GMNN: variants seen among roughly 807,000 people sequenced by gnomAD.
GMNN encodes the protein geminin DNA replication inhibitor, also known as geminin.
In GMNN, 14 loss-of-function variants were observed where a neutral mutation model predicts 20.9. The observed-to-expected ratio is 0.67, with a 90% CI of 0.44 to 1.05. The LOEUF (loss-of-function observed/expected upper bound fraction) is 1.05, where lower values mean the gene tolerates loss of function less well. Ranked by LOEUF, GMNN falls within the 50% of genes least tolerant of loss-of-function variation. The probability of loss-of-function intolerance (pLI) is 0.00; values close to 1 mark genes in which losing one functional copy is unlikely to be tolerated. For missense variants in GMNN, 227 were observed against 243.8 expected, an observed-to-expected ratio of 0.93 and a Z score of 0.46; for synonymous variants, 81 against 85.8, an observed-to-expected ratio of 0.94 and a Z score of 0.31.
chr6:24,785,641 CTGAA>C lies in GMNN; in HGVS notation c.475_478del (p.Asn159ValfsTer26), dbSNP rs771954624. The C allele has an allele frequency of 1.4e-6, 2 of 1,464,282 alleles. No homozygotes were observed. The highest frequency in any genetic ancestry group is 2.3e-5 in the East Asian group (1 of 43,376). 90.7% of individuals were successfully genotyped at this position (1,464,282 alleles called of 1,614,324 possible). On this transcript the variant is annotated frameshift_variant, in exon 7 of 7. Transcript: ENST00000230056. LOFTEE classifies it low-confidence loss of function (END_TRUNC). ...TTATTGGTTTATTCTTTAAAAGAGA[CTGAA>C]TGGTGAACCTCTGGATAATTTTGAA...
In GMNN at chr6:24,780,718, C is replaced by G; in HGVS notation, c.107C>G (p.Ser36Cys). 1 of 1,585,398 alleles carries G rather than the reference C, an allele frequency of 6.3e-7. No individual in the cohort carries two copies. Among genetic ancestry groups the G allele is most frequent in the South Asian group, 1.1e-5 (1 of 90,502 alleles). Residue 36 changes from serine to cysteine, a missense_variant, in exon 3 of 7, where the codon TCT becomes TGT. By Grantham distance (112) the Ser-to-Cys change is moderately radical. Coordinates refer to ENST00000230056, the MANE Select transcript of GMNN (RefSeq NM_015895.5). ...ATGATTCAGCCTTCTGCATCTGGAT[C>G]TCTTGTTGGAAGAGAAAATGAGGTA... ...LKMIQPSASG[S>C]LVGRENELSA...
chr6:24,781,877 T>C (rs574162227), intron 4 of GMNN, among the ~76,000 whole-genome samples: 3 of 152,228 alleles, frequency 2.0e-5, no homozygotes, highest in African/African-American at 7.2e-5. Flanking sequence ...GGCTTGAGTC[T>C]AGAAGTTTGA....
At chr6:24,781,385 C>A in intron 3 of GMNN, 92 bp from the exon 4 acceptor site, 2 of 750,070 alleles carry the variant, frequency 2.7e-6, no homozygotes, top group Non-Finnish European at 4.4e-6. Context: ...GTTAGATATG[C>A]GTACTCTTTT....
At position 24,785,803 on chromosome 6, in the gene GMNN, G is replaced by T. The variant is rs745980330; in HGVS notation, c.*4G>T. On this transcript the variant is annotated 3_prime_UTR_variant, in exon 7 of 7. Coordinates refer to ENST00000230056, the MANE Select transcript of GMNN (RefSeq NM_015895.5). ...GGATGCAAAGCCATGTATATGAAAT[G>T]CATTAATATTTGACTGTTGAGAATT... The T allele has an allele frequency of 1.3e-6, 2 of 1,552,056 alleles. No individual in the cohort carries two copies. The highest frequency in any genetic ancestry group is 1.8e-6 in the Non-Finnish European group (2 of 1,141,912).
At chr6:24,782,895 A>G (rs979802646) in intron 4 of GMNN, among the ~76,000 whole-genome samples, 3 of 152,106 alleles carry the variant, frequency 2.0e-5, no homozygotes, top group Non-Finnish European at 1.5e-5. Flanking sequence ...TGAAAAAAAA[A>G]AAAAAGTTGT....
At chr6:24,780,076 T>C (rs942107418) in intron 2 of GMNN, among the ~76,000 whole-genome samples, 4 of 152,228 alleles carry the variant, frequency 2.6e-5, no homozygotes, top group African/African-American at 7.2e-5. Context: ...TGAATCTTTT[T>C]GATTAGGGAA....
chr6:24,783,199 C>T (rs144429688), intron 4 of GMNN, among the ~76,000 whole-genome samples: 72 of 152,240 alleles, frequency 4.7e-4, no homozygotes, highest in African/African-American at 1.6e-3. Context: ...AGGATTCTCA[C>T]AGACTACAGT....
chr6:24,776,296 C>T (rs1244194333), intron 1 of GMNN, among the ~76,000 whole-genome samples: 1 of 152,082 alleles, frequency 6.6e-6, no homozygotes, highest in Non-Finnish European at 1.5e-5. Context: ...TGGAGTTTCA[C>T]CATATTGGCC....
rs576552979 is a variant in GMNN at position 24,776,113 on chromosome 6, T to A, written c.-26+869T>A. Reference sequence around the variant, plus strand: ...TTTTGTTTTCTAAGCTTTTTTTTTTTTTGAGACGGAGTCTCGCTCTGTTGC... The same window carrying A: ...TTTTGTTTTCTAAGCTTTTTTTTTTATTGAGACGGAGTCTCGCTCTGTTGC... On this transcript the variant is annotated intron_variant, in intron 1 of 6. Transcript: ENST00000230056. Among the ~76,000 whole-genome samples, 13 of 152,248 alleles carry A rather than the reference T, an allele frequency of 8.5e-5. No individual in the cohort carries two copies. The East Asian group carries it at 2.5e-3, about 29-fold the overall frequency.
chr6:24,781,034 C>A (rs1780200996), intron 3 of GMNN, among the ~76,000 whole-genome samples: 1 of 151,964 alleles, frequency 6.6e-6, no homozygotes, highest in South Asian at 2.1e-4. Context: ...AACCCCATCT[C>A]TACTAAAAGT....
Position 24,775,176 on chromosome 6 carries a change from G to C in GMNN, c.-94G>C, listed in dbSNP as rs556438847. On this transcript the variant is annotated 5_prime_UTR_variant, in exon 1 of 7. Coordinates refer to ENST00000230056, the MANE Select transcript of GMNN (RefSeq NM_015895.5). The stretch of plus-strand genomic sequence containing the variant: ...GGCGCAAGGCGCACAGCCTCTAGAC[G>C]ACTCGCTTTCCCTCCGGCCAACCTC... 91 of 152,544 alleles carry C rather than the reference G, an allele frequency of 6.0e-4. No individual in the cohort carries two copies. The highest frequency in any genetic ancestry group is 2.2e-3 in the African/African-American group (90 of 41,594). 9.4% of individuals were successfully genotyped at this position (152,544 alleles called of 1,614,324 possible). A position where few individuals can be genotyped will look rare whatever the true frequency, so the allele number is the denominator to read the frequency against.
At chr6:24,782,157 A>T (rs1308381402) in intron 4 of GMNN, among the ~76,000 whole-genome samples, 2 of 152,172 alleles carry the variant, frequency 1.3e-5, no homozygotes, top group African/African-American at 4.8e-5. Context: ...ATTGCCTTGT[A>T]GGGGTTTACA....
At chr6:24,785,470 ATGG>A (rs1033783432) in intron 6 of GMNN, among the ~76,000 whole-genome samples, 165 bp from the exon 7 acceptor site, 1 of 152,186 alleles carries the variant, frequency 6.6e-6, no homozygotes, top group African/African-American at 2.4e-5. Flanking sequence ...ATGATCTAGC[ATGG>A]TAGAGACTTT....
chr6:24,784,175 T>C lies in GMNN; in HGVS notation c.357+6T>C, dbSNP rs1474527953. ...CACTTAAGGAAAATGAGAAAGTATG[T>C]ATTGAGTATAATTTGTACCATTTTT... On this transcript the variant is annotated splice_donor_region_variant and intron_variant, in intron 5 of 6. Coordinates refer to ENST00000230056, the MANE Select transcript of GMNN (RefSeq NM_015895.5). The C allele has an allele frequency of 7.3e-7, 1 of 1,360,570 alleles. No individual in the cohort carries two copies. Among genetic ancestry groups the C allele is most frequent in the Non-Finnish European group, 1.0e-6 (1 of 953,858 alleles). The allele number at this position is 1,360,570 out of a possible 1,614,324, so 84.3% of individuals were successfully genotyped here. A position where few individuals can be genotyped will look rare whatever the true frequency, so the allele number is the denominator to read the frequency against.
rs759831453 is a variant in GMNN, at chr6:24,784,490, A to G, written c.404A>G (p.Lys135Arg). 2 of 1,590,552 alleles carry G rather than the reference A, an allele frequency of 1.3e-6. No homozygotes were observed. Among genetic ancestry groups the G allele is most frequent in the East Asian group, 2.2e-5 (1 of 44,716 alleles). ...AAGGACAATGAAATTGCCCGCCTGA[A>G]AAAGGAGAATAAAGAACTGGCAGAA... is the stretch of plus-strand genomic sequence containing the variant. ...EQKDNEIARL[K>R]KENKELAEVA... Residue 135 changes from lysine to arginine, a missense_variant, in exon 6 of 7, where the codon AAA becomes AGA. Lys to Arg is a conservative substitution (Grantham distance 26). Transcript: ENST00000230056.
intron 2 of GMNN, among the ~76,000 whole-genome samples, chr6:24,778,792 A>G (rs73396412): frequency 0.04 from 6,050 of 152,064 alleles, 274 homozygotes; most frequent in African/African-American, 0.11. Flanking sequence ...TATTTTAATA[A>G]TTTACTTCCC....
At chr6:24,783,426 C>T (rs942503847) in intron 4 of GMNN, among the ~76,000 whole-genome samples, 2 of 151,696 alleles carry the variant, frequency 1.3e-5, no homozygotes, top group African/African-American at 2.4e-5. Flanking sequence ...AGATATAAGC[C>T]GGAAACATCA....
In GMNN at chr6:24,784,472, A is replaced by G; in HGVS notation, c.386A>G (p.Asn129Ser). The G allele has an allele frequency of 6.4e-7, 1 of 1,572,908 alleles. No individual in the cohort carries two copies. The highest frequency in any genetic ancestry group is 8.8e-7 in the Non-Finnish European group (1 of 1,142,542). The stretch of plus-strand genomic sequence containing the variant: ...CATAAAGAAATTGAACAAAAGGACA[A>G]TGAAATTGCCCGCCTGAAAAAGGAG... ...KLHKEIEQKD[N>S]EIARLKKENK... is the part of the protein sequence containing the mutation. The change falls in exon 6 of 7, where the codon AAT (asparagine) becomes AGT (serine). Residue 129 changes from asparagine to serine, a missense_variant. Coordinates refer to ENST00000230056, the MANE Select transcript of GMNN (RefSeq NM_015895.5).
intron 2 of GMNN, among the ~76,000 whole-genome samples, chr6:24,780,372 G>C (rs1780177225): frequency 6.6e-6 from 1 of 152,188 alleles, no homozygotes; most frequent in Admixed American, 6.5e-5. Flanking sequence ...TGAAATGAGA[G>C]AAGTTACGTG....
Sources: allele counts gnomAD v4.1 joint callset (sites outside exome capture counted in the v4.1 genomes callset), GRCh38; gene constraint gnomAD v4.1.1; transcripts MANE v1.5; gene names NCBI Gene and HGNC (gene_info 2026-07-23, HGNC 2026-07-21).